SLC9A9: variants seen among roughly 807,000 people sequenced by gnomAD.
SLC9A9 encodes the protein solute carrier family 9 member A9, also known as sodium/hydrogen exchanger 9.
In SLC9A9, 62 loss-of-function variants were observed where a neutral mutation model predicts 77.8. That is an observed-to-expected ratio of 0.80 (90% CI 0.65 to 0.98). The LOEUF is 0.98. Ranked by LOEUF, SLC9A9 falls within the 50% of genes least tolerant of loss-of-function variation. SLC9A9 has a pLI of 0.00. For missense variants in SLC9A9, 775 were observed against 774.9 expected, an observed-to-expected ratio of 1.00 and a Z score of 0.00; for synonymous variants, 320 against 283.5, an observed-to-expected ratio of 1.13 and a Z score of -1.29.
chr3:143,774,994 G>T (rs974183229), intron 4 of SLC9A9, among the ~76,000 whole-genome samples: 13 of 152,182 alleles, frequency 8.5e-5, no homozygotes, highest in Non-Finnish European at 1.6e-4. Context: ...GTAGCCTGGA[G>T]TTGGATTTCC....
rs551943393 is a variant in SLC9A9 at position 143,684,036 on chromosome 3, C to T, written c.649+9156G>A. On this transcript the variant is annotated intron_variant, in intron 5 of 15. Coordinates refer to ENST00000316549, the MANE Select transcript of SLC9A9 (RefSeq NM_173653.4). ...TATCTTATTTAATCCTTATCAAGAA[C>T]CTTTAAAATAAACCTTATAGTCCCA... Among the ~76,000 whole-genome samples the T allele has an allele frequency of 2.6e-5, 4 of 151,284 alleles. No individual in the cohort carries two copies. In the East Asian group the frequency reaches 7.7e-4, roughly 29 times the overall value.
intron 1 of SLC9A9, among the ~76,000 whole-genome samples, 189 bp from the exon 2 acceptor site, chr3:143,832,410 A>G (rs2009460990): frequency 6.6e-6 from 1 of 152,166 alleles, no homozygotes; most frequent in Admixed American, 6.5e-5. Context: ...ATTTGTAGTG[A>G]GCACCATTGC....
intron 4 of SLC9A9, among the ~76,000 whole-genome samples, chr3:143,784,496 A>C (rs757676223): frequency 6.9e-6 from 1 of 144,928 alleles, no homozygotes; most frequent in African/African-American, 2.5e-5. Flanking sequence ...TCCAAGTCTT[A>C]TTTTCTTTTC....
intron 12 of SLC9A9, among the ~76,000 whole-genome samples, chr3:143,459,115 C>T (rs1175757419): frequency 9.1e-6 from 1 of 110,012 alleles, no homozygotes; most frequent in African/African-American, 2.8e-5. Context: ...TATTTCTCTA[C>T]AGTTTTTTTT....
intron 7 of SLC9A9, among the ~76,000 whole-genome samples, chr3:143,577,312 T>A (rs1015955041): frequency 6.6e-6 from 1 of 152,202 alleles, no homozygotes; most frequent in South Asian, 2.1e-4. Flanking sequence ...GTCTTCCAGA[T>A]GCCACATTGG....
chr3:143,347,783 A>C (rs1376335237), intron 14 of SLC9A9, among the ~76,000 whole-genome samples: 1 of 152,176 alleles, frequency 6.6e-6, no homozygotes, highest in Non-Finnish European at 1.5e-5. Context: ...TATTTTATAG[A>C]TCTGTGAGTG....
At chr3:143,297,044 T>G (rs1447257587) in intron 14 of SLC9A9, among the ~76,000 whole-genome samples, 1 of 152,238 alleles carries the variant, frequency 6.6e-6, no homozygotes, top group Non-Finnish European at 1.5e-5. Flanking sequence ...CACTTGCCTA[T>G]TTTTACTTTT....
chr3:143,573,860 G>A (rs772303233), intron 8 of SLC9A9, among the ~76,000 whole-genome samples: 1 of 152,132 alleles, frequency 6.6e-6, no homozygotes, highest in Non-Finnish European at 1.5e-5. Flanking sequence ...GGAGAAGAGA[G>A]GAAAGCATTT....
At chr3:143,676,220 T>G (rs1245328747) in intron 5 of SLC9A9, among the ~76,000 whole-genome samples, 1 of 152,130 alleles carries the variant, frequency 6.6e-6, no homozygotes, top group African/African-American at 2.4e-5. Context: ...CTGTGCAGCT[T>G]GGTTCCTAAC....
intron 12 of SLC9A9, among the ~76,000 whole-genome samples, chr3:143,443,030 C>T (rs1321437011): frequency 6.6e-6 from 1 of 152,126 alleles, no homozygotes; most frequent in Non-Finnish European, 1.5e-5. Flanking sequence ...TAAAGTATGA[C>T]TAAGGACTCC....
intron 5 of SLC9A9, among the ~76,000 whole-genome samples, chr3:143,658,048 G>C (rs563670942): frequency 6.6e-6 from 1 of 152,132 alleles, no homozygotes; most frequent in African/African-American, 2.4e-5. Context: ...TGAATTTTTA[G>C]TAGAGATGGA....
At position 143,333,824 on chromosome 3, in the gene SLC9A9, T is replaced by G. The variant is rs148710656; in HGVS notation, c.1604+29660A>C. Among the ~76,000 whole-genome samples the G allele has an allele frequency of 7.9e-5, 12 of 152,358 alleles. No individual in the cohort carries two copies. The East Asian group carries it at 1.2e-3, about 15-fold the overall frequency. On this transcript the variant is annotated intron_variant, in intron 14 of 15. Coordinates refer to ENST00000316549, the MANE Select transcript of SLC9A9 (RefSeq NM_173653.4). ...AATCTTATGCATTATGTTAGCTGCT[T>G]CTTTTTTACTTATCATTGGAAGGAG... is the stretch of plus-strand genomic sequence containing the variant.
At chr3:143,544,942 T>C (rs2036760503) in intron 9 of SLC9A9, among the ~76,000 whole-genome samples, 1 of 152,184 alleles carries the variant, frequency 6.6e-6, no homozygotes, top group African/African-American at 2.4e-5. Context: ...CCATTGCTTT[T>C]TTTTGTTGCC....
intron 4 of SLC9A9, among the ~76,000 whole-genome samples, chr3:143,717,682 C>T (rs963221694): frequency 1.3e-5 from 2 of 152,116 alleles, no homozygotes; most frequent in Non-Finnish European, 2.9e-5. Context: ...TGGCCTAGTC[C>T]CTTTTTGCAT....
At chr3:143,764,931 C>G (rs1258123646) in intron 4 of SLC9A9, among the ~76,000 whole-genome samples, 1 of 151,308 alleles carries the variant, frequency 6.6e-6, no homozygotes, top group East Asian at 1.9e-4. Context: ...AACCAGGAAA[C>G]ATTTTTCTTT....
At chr3:143,693,698 G>C (rs1262427243) in intron 4 of SLC9A9, among the ~76,000 whole-genome samples, 3 of 152,120 alleles carry the variant, frequency 2.0e-5, no homozygotes, top group Admixed American at 2.0e-4. Flanking sequence ...GGCGGTGTCT[G>C]AAAAGGGTTC....
At chr3:143,275,922 A>G (rs1362054979) in intron 14 of SLC9A9, among the ~76,000 whole-genome samples, 1 of 152,230 alleles carries the variant, frequency 6.6e-6, no homozygotes, top group East Asian at 1.9e-4. Flanking sequence ...GGATTTAGAA[A>G]ACTTTCTAAG....
rs112697078 is a variant in SLC9A9 at position 143,329,083 on chromosome 3, C to T, written c.1604+34401G>A. ...CGACCAACTTTTAATAATCTAACTA[C>T]ACAAGAACAGGGAGATGTTTCCCAG... On this transcript the variant is annotated intron_variant, in intron 14 of 15. Coordinates refer to ENST00000316549, the MANE Select transcript of SLC9A9 (RefSeq NM_173653.4). Among the ~76,000 whole-genome samples the T allele has an allele frequency of 2.1e-4, 32 of 152,338 alleles. 1 individual carries two copies. The highest frequency in any genetic ancestry group is 7.0e-4 in the African/African-American group (29 of 41,580).
intron 6 of SLC9A9, among the ~76,000 whole-genome samples, chr3:143,622,265 C>G (rs367781572): frequency 2.0e-5 from 3 of 151,402 alleles, no homozygotes; most frequent in African/African-American, 7.3e-5. Flanking sequence ...ATACAGAGAA[C>G]GCCACAAAGA....
Sources: allele counts gnomAD v4.1 joint callset (sites outside exome capture counted in the v4.1 genomes callset), GRCh38; gene constraint gnomAD v4.1.1; transcripts MANE v1.5; gene names NCBI Gene and HGNC (gene_info 2026-07-23, HGNC 2026-07-21).